Variants in DAAM1 observed in about 807,000 individuals in gnomAD.
DAAM1 encodes dishevelled associated activator of morphogenesis 1.
DAAM1 carries 52 observed loss-of-function variants against 130.0 expected under a neutral mutation model. The observed-to-expected ratio is 0.40, with a 90% confidence interval of 0.32 to 0.50. The LOEUF (loss-of-function observed/expected upper bound fraction) is 0.50. DAAM1 is among the 20% of genes least tolerant of loss of function. DAAM1 has a pLI of 0.61. For missense variants in DAAM1, 1,134 were observed against 1,303.8 expected (o/e 0.87, Z 2.01); for synonymous variants, 452 against 444.5 (o/e 1.02, Z -0.21).
intron 1 of DAAM1, among the ~76,000 whole-genome samples, chr14:59,253,486 A>G (rs1881737096): frequency 6.6e-6 from 1 of 152,246 alleles, no homozygotes; most frequent in Non-Finnish European, 1.5e-5. Context: ...GAACATAAAA[A>G]GAGGAAGGTA....
intron 17 of DAAM1, among the ~76,000 whole-genome samples, chr14:59,351,105 G>T (rs1283267873): frequency 6.6e-6 from 1 of 151,142 alleles, no homozygotes; most frequent in Non-Finnish European, 1.5e-5. Context: ...CATGTTCCCT[G>T]TTATGTTGTT....
chr14:59,351,849 A>G, intron 17 of DAAM1, among the ~76,000 whole-genome samples: 1 of 152,200 alleles, frequency 6.6e-6, no homozygotes, highest in Non-Finnish European at 1.5e-5. Context: ...TTGAAAGGAA[A>G]TCAGACACGT....
intron 23 of DAAM1, 54 bp from the exon 24 acceptor site, chr14:59,367,375 T>C: frequency 1.3e-6 from 2 of 1,545,534 alleles, no homozygotes; most frequent in Non-Finnish European, 1.7e-6. Context: ...TTATTTATAT[T>C]TGATTGTGGA....
intron 1 of DAAM1, among the ~76,000 whole-genome samples, chr14:59,218,154 G>C (rs1386505778): frequency 1.3e-5 from 2 of 152,020 alleles, no homozygotes; most frequent in Non-Finnish European, 2.9e-5. Flanking sequence ...AAAAATTCAA[G>C]ATTAATTTCC....
chr14:59,361,309 T>C (rs1024923949), intron 22 of DAAM1, among the ~76,000 whole-genome samples: 2 of 152,172 alleles, frequency 1.3e-5, no homozygotes, highest in Admixed American at 1.3e-4. Context: ...TAGTACATGC[T>C]CTAGCTGAGG....
intron 2 of DAAM1, among the ~76,000 whole-genome samples, chr14:59,281,394 T>C (rs1883212040): frequency 6.6e-6 from 1 of 152,194 alleles, no homozygotes; most frequent in Non-Finnish European, 1.5e-5. Context: ...CAGGACGCTT[T>C]GTGCCCCTTC....
At position 59,367,554 on chromosome 14, in the gene DAAM1, A is replaced by G; in HGVS notation, c.2952A>G (p.Arg984=). ...CCAAACAAGAAAACGAAAATATGAGAAAGAAAAAGGAGGAAGAAGAACGTC... is the reference window on the plus strand; with the variant it reads ...CCAAACAAGAAAACGAAAATATGAGGAAGAAAAAGGAGGAAGAAGAACGTC... ...SEAKQENENM[R]KKKEEEERRA... The change falls in exon 24 of 25, where the codon AGA becomes AGG. Residue 984 remains arginine, a synonymous_variant. Transcript: ENST00000360909. 1 of 1,613,974 alleles carries G rather than the reference A, an allele frequency of 6.2e-7. No homozygotes were observed. Among genetic ancestry groups the G allele is most frequent in the Non-Finnish European group, 8.5e-7 (1 of 1,179,914 alleles).
intron 15 of DAAM1, among the ~76,000 whole-genome samples, chr14:59,339,183 C>T (rs1885749783): frequency 1.3e-5 from 2 of 152,212 alleles, no homozygotes; most frequent in African/African-American, 2.4e-5. Flanking sequence ...ATGAATAATT[C>T]AGCTAAGATT....
intron 16 of DAAM1, among the ~76,000 whole-genome samples, chr14:59,340,430 A>T (rs541283768): frequency 6.6e-6 from 1 of 152,342 alleles, no homozygotes; most frequent in East Asian, 1.9e-4. Context: ...ACCCTGAGTC[A>T]ATCTTTTCTT....
At chr14:59,265,441 C>G (rs185660040) in intron 2 of DAAM1, 1 of 152,144 alleles carries the variant, frequency 6.6e-6, no homozygotes, top group Admixed American at 6.6e-5. Context: ...CCAGAACCTG[C>G]CCCCCAAAGA....
intron 23 of DAAM1, among the ~76,000 whole-genome samples, chr14:59,366,236 T>A (rs568345509): frequency 3.3e-4 from 50 of 151,630 alleles, no homozygotes; most frequent in East Asian, 1.9e-3. Flanking sequence ...TAAAAAAAAA[T>A]TTTTTTTAAA....
At chr14:59,321,630 A>G (rs1885013406) in intron 5 of DAAM1, among the ~76,000 whole-genome samples, 1 of 152,242 alleles carries the variant, frequency 6.6e-6, no homozygotes, top group Non-Finnish European at 1.5e-5. Flanking sequence ...GGTGCTATGA[A>G]TGAAGCCAAC....
intron 12 of DAAM1, among the ~76,000 whole-genome samples, chr14:59,330,030 TCCAG>T (rs1278597203): frequency 1.3e-5 from 2 of 152,226 alleles, no homozygotes; most frequent in East Asian, 3.8e-4. Flanking sequence ...GACCCTCCCT[TCCAG>T]CCCTTCGGCT....
intron 1 of DAAM1, among the ~76,000 whole-genome samples, chr14:59,225,521 T>G (rs1308939372): frequency 6.6e-6 from 1 of 152,248 alleles, no homozygotes; most frequent in African/African-American, 2.4e-5. Context: ...CTCCTCTTTC[T>G]GTGCCTTTGA....
chr14:59,325,923 T>C, intron 9 of DAAM1, 37 bp from the exon 10 acceptor site: 4 of 1,594,470 alleles, frequency 2.5e-6, no homozygotes, highest in Non-Finnish European at 3.4e-6. Context: ...CTGAGGAACT[T>C]AGATGTTTGA....
intron 1 of DAAM1, among the ~76,000 whole-genome samples, chr14:59,247,523 A>T (rs1287261673): frequency 2.0e-5 from 3 of 152,076 alleles, no homozygotes; most frequent in Non-Finnish European, 1.5e-5. Flanking sequence ...TGAATATGGG[A>T]TGTTATTTGT....
At chr14:59,268,554 C>G (rs141317919) in intron 2 of DAAM1, among the ~76,000 whole-genome samples, 235 of 152,258 alleles carry the variant, frequency 1.5e-3, no homozygotes, top group Non-Finnish European at 1.5e-3. Context: ...TAAAGCTGTT[C>G]TATATCTCCT....
intron 1 of DAAM1, among the ~76,000 whole-genome samples, chr14:59,247,975 T>C (rs1004027708): frequency 1.3e-5 from 2 of 152,204 alleles, no homozygotes; most frequent in Non-Finnish European, 2.9e-5. Context: ...AGCAGTACTG[T>C]ATTGAAAGCT....
intron 1 of DAAM1, among the ~76,000 whole-genome samples, chr14:59,257,150 G>C (rs1881932069): frequency 6.6e-6 from 1 of 152,118 alleles, no homozygotes; most frequent in African/African-American, 2.4e-5. Context: ...TTGATGATCT[G>C]ATTGGCTTCA....
Sources: allele counts gnomAD v4.1 joint callset (sites outside exome capture counted in the v4.1 genomes callset), GRCh38; gene constraint gnomAD v4.1.1; transcripts MANE v1.5; gene names NCBI Gene and HGNC (gene_info 2026-07-23, HGNC 2026-07-21).